ADAMTSL1: variants seen among roughly 807,000 people sequenced by gnomAD.
The protein encoded by ADAMTSL1 is ADAMTS like 1, also known as ADAMTS-like protein 1.
ADAMTSL1 carries 126 observed loss-of-function variants against 201.8 expected under a neutral mutation model. That is an observed-to-expected ratio of 0.62 (90% CI 0.54 to 0.72). The LOEUF (loss-of-function observed/expected upper bound fraction) is 0.72, where lower values mean the gene tolerates loss of function less well. Among genes scored for constraint, ADAMTSL1 ranks in the 30% least tolerant of loss-of-function variants. The probability of loss-of-function intolerance (pLI) is 0.00; values close to 1 mark genes in which losing one functional copy is unlikely to be tolerated. For missense variants in ADAMTSL1, 2,679 were observed against 2,277.8 expected (o/e 1.18, Z -3.59); for synonymous variants, 1,121 against 903.4 (o/e 1.24, Z -4.32).
At chr9:18,719,871 G>T (rs953020401) in intron 14 of ADAMTSL1, among the ~76,000 whole-genome samples, 1 of 152,048 alleles carries the variant, frequency 6.6e-6, no homozygotes, top group African/African-American at 2.4e-5. Flanking sequence ...CAGCATGGTG[G>T]GTCAACTGTA....
At position 18,886,162 on chromosome 9, in the gene ADAMTSL1, A is replaced by ATG. The variant is rs558491553; in HGVS notation, c.4250-1665_4250-1664dup. Among the ~76,000 whole-genome samples the ATG allele has an allele frequency of 3.3e-3, 194 of 58,602 alleles. 1 individual carries two copies. The highest frequency in any genetic ancestry group is 0.011 in the African/African-American group (142 of 13,498). The allele number at this position is 58,602 out of a possible 152,430, so 38.4% of individuals were successfully genotyped here. On this transcript the variant is annotated intron_variant, in intron 23 of 28. Transcript: ENST00000380548. ...TGTGTATATATACATGTGAGTGTGT[A>ATG]TGTGTATATATATATATATATATAT...
intron 7 of ADAMTSL1, among the ~76,000 whole-genome samples, chr9:18,651,766 A>C (rs781442739): frequency 1.3e-5 from 2 of 152,190 alleles, no homozygotes; most frequent in African/African-American, 4.8e-5. Context: ...TGATGCCTTC[A>C]TATTTTGTTC....
Position 18,842,318 on chromosome 9 carries a change from G to T in ADAMTSL1, c.4249+12341G>T, listed in dbSNP as rs1010629148. ...GTACCCAGTAGTCATTCAGGAGCAG[G>T]TTGTTCAGTTTCCATGTAGTTGAGC... is the stretch of plus-strand genomic sequence containing the variant. On this transcript the variant is annotated intron_variant, in intron 23 of 28. Coordinates refer to ENST00000380548, the MANE Select transcript of ADAMTSL1 (RefSeq NM_001040272.6). Among the ~76,000 whole-genome samples the T allele has an allele frequency of 2.8e-4, 42 of 152,198 alleles. 1 individual carries two copies. The highest frequency in any genetic ancestry group is 9.9e-4 in the African/African-American group (41 of 41,528).
At chr9:18,099,355 A>ATATATATATATATATATATATATATATTT (rs1239180390) in intron 1 of ADAMTSL1, among the ~76,000 whole-genome samples, 1 of 45,562 alleles carries the variant, frequency 2.2e-5, no homozygotes, top group Non-Finnish European at 4.1e-5. Flanking sequence ...ATATATATAT[A>ATATATATATATATATATATATATATATTT]TTTTTTTTTT....
chr9:18,401,541 C>T (rs61326282), intron 2 of ADAMTSL1, among the ~76,000 whole-genome samples: 3,579 of 152,300 alleles, frequency 0.023, 156 homozygotes, highest in African/African-American at 0.082. Flanking sequence ...TTCTCTGAAG[C>T]ATCACCAAAT....
rs150446073 is a variant in ADAMTSL1, at chr9:18,609,291, C to G, written c.475-12952C>G. On this transcript the variant is annotated intron_variant, in intron 4 of 28. Transcript: ENST00000380548. Reference sequence around the variant, plus strand: ...ATTTCTCTTTAATTTGAGTAGAATGCAGAGGAGATGATTTGCTACTCCACA... The same window carrying G: ...ATTTCTCTTTAATTTGAGTAGAATGGAGAGGAGATGATTTGCTACTCCACA... Among the ~76,000 whole-genome samples the G allele has an allele frequency of 2.0e-5, 3 of 151,780 alleles. No individual in the cohort carries two copies. In the East Asian group the frequency reaches 5.8e-4, roughly 29 times the overall value.
intron 5 of ADAMTSL1, among the ~76,000 whole-genome samples, chr9:18,631,415 A>T (rs1410446203): frequency 6.6e-6 from 1 of 152,230 alleles, no homozygotes; most frequent in Non-Finnish European, 1.5e-5. Context: ...GATGTAAAAC[A>T]TACCATTTAA....
In ADAMTSL1 at chr9:18,829,791, T is replaced by A. The variant is rs976112319; in HGVS notation, c.4115-52T>A. 2.5e-6 allele frequency: 4 copies of A among 1,609,326 alleles called. No homozygotes were observed. In the African/African-American group the frequency reaches 4.0e-5, roughly 16 times the overall value. On this transcript the variant is annotated intron_variant, in intron 22 of 28. Coordinates refer to ENST00000380548, the MANE Select transcript of ADAMTSL1 (RefSeq NM_001040272.6). ...GCATACCCACCTCTTCCTCTTGCCT[T>A]GACACAGCCCTGTGCTTTAACCTGC...
chr9:18,767,910 G>C (rs182322502), intron 16 of ADAMTSL1, among the ~76,000 whole-genome samples: 5 of 152,272 alleles, frequency 3.3e-5, no homozygotes, highest in South Asian at 2.1e-4. Context: ...AAGCCCAAAC[G>C]ACACACTAGA....
intron 21 of ADAMTSL1, among the ~76,000 whole-genome samples, chr9:18,823,591 C>A (rs769005684): frequency 1.3e-5 from 2 of 152,190 alleles, no homozygotes; most frequent in African/African-American, 4.8e-5. Flanking sequence ...TTTCTCTCCC[C>A]CTGAGTCTTT....
At chr9:18,117,543 G>T (rs540769972) in intron 1 of ADAMTSL1, among the ~76,000 whole-genome samples, 1 of 152,016 alleles carries the variant, frequency 6.6e-6, no homozygotes, top group Admixed American at 6.6e-5. Flanking sequence ...TGTTAATGAG[G>T]CTGGCCCTCT....
chr9:18,239,738 ACT>A (rs1352091259), intron 2 of ADAMTSL1, among the ~76,000 whole-genome samples: 1 of 151,860 alleles, frequency 6.6e-6, no homozygotes, highest in African/African-American at 2.4e-5. Flanking sequence ...TCAGAGTAAG[ACT>A]CTGTCTCAAA....
chr9:18,369,933 A>C (rs900534267), intron 2 of ADAMTSL1, among the ~76,000 whole-genome samples: 7 of 152,198 alleles, frequency 4.6e-5, no homozygotes, highest in Non-Finnish European at 4.4e-5. Context: ...AAATGTTCTC[A>C]CTTATAAGTG....
At chr9:17,946,951 A>G (rs1288493606) in intron 1 of ADAMTSL1, among the ~76,000 whole-genome samples, 2 of 152,068 alleles carry the variant, frequency 1.3e-5, no homozygotes, top group Non-Finnish European at 2.9e-5. Context: ...GATCAATACC[A>G]TTATAGGACA....
At chr9:18,297,718 C>G (rs1162677505) in intron 2 of ADAMTSL1, among the ~76,000 whole-genome samples, 2 of 152,162 alleles carry the variant, frequency 1.3e-5, no homozygotes, top group African/African-American at 4.8e-5. Context: ...GTCCCTTGGG[C>G]TCAATTTGAA....
chr9:18,195,240 CA>C (rs1427899576), intron 2 of ADAMTSL1, among the ~76,000 whole-genome samples: 1 of 152,160 alleles, frequency 6.6e-6, no homozygotes, highest in African/African-American at 2.4e-5. Flanking sequence ...TACCCTTGCG[CA>C]GCCTGTGTGT....
At chr9:18,600,261 G>A (rs937175166) in intron 4 of ADAMTSL1, among the ~76,000 whole-genome samples, 12 of 152,070 alleles carry the variant, frequency 7.9e-5, no homozygotes, top group Non-Finnish European at 1.0e-4. Context: ...ATAGAAAAAC[G>A]ATCCTCATAT....
chr9:18,775,517 A>C (rs1820923920), intron 17 of ADAMTSL1, among the ~76,000 whole-genome samples: 1 of 152,244 alleles, frequency 6.6e-6, no homozygotes, highest in Admixed American at 6.5e-5. Flanking sequence ...TATGTAAAAT[A>C]GATAAAAGGT....
chr9:18,576,424 G>T (rs1187133815), intron 4 of ADAMTSL1, among the ~76,000 whole-genome samples: 2 of 152,156 alleles, frequency 1.3e-5, no homozygotes, highest in African/African-American at 4.8e-5. Flanking sequence ...CACCTTGATA[G>T]AAAATGACAG....
Sources: gnomAD v4.1 joint callset for allele counts (sites outside exome capture counted in the v4.1 genomes callset) on GRCh38, gnomAD v4.1.1 for gene constraint, MANE v1.5 for transcripts, NCBI Gene and HGNC (gene_info 2026-07-23, HGNC 2026-07-21) for gene names.